Variants in TEAD3 observed in about 807,000 individuals in gnomAD.
TEAD3 encodes the protein transcriptional enhancer factor TEF-5.
A neutral mutation model predicts 55.6 loss-of-function variants in TEAD3; 15 were observed. The ratio of observed to expected loss-of-function variants is 0.27; its 90% CI spans 0.18 to 0.42. The LOEUF is 0.42. TEAD3 is among the 10% of genes least tolerant of loss of function. The pLI is 1.00. For synonymous variants in TEAD3, 210 were observed against 232.2 expected, an observed-to-expected ratio of 0.90 and a Z score of 0.87; for missense variants, 407 against 576.8, an observed-to-expected ratio of 0.71 and a Z score of 3.01.
rs1475868636 is a variant in TEAD3 at position 35,485,771 on chromosome 6, CG to C, written c.202+689del. 6.6e-6 allele frequency among the ~76,000 whole-genome samples: 1 copy of C among 152,174 alleles called. No homozygotes were observed. Among genetic ancestry groups the C allele is most frequent in the Non-Finnish European group, 1.5e-5 (1 of 68,024 alleles). On this transcript the variant is annotated intron_variant, in intron 2 of 12. Transcript: ENST00000639578. The surrounding 1 kb of genome is among the most constrained non-coding windows in gnomAD (Gnocchi z 4.3). Reference sequence around the variant, plus strand: ...AGCGGACCTGATCCCTTCCCACAGGCGCGCCCTGGGAAGGGCTGGGCCTGCC... The same window carrying C: ...AGCGGACCTGATCCCTTCCCACAGGCCGCCCTGGGAAGGGCTGGGCCTGCC...
rs1253827658 is a variant in TEAD3, at chr6:35,496,284, G to C, written c.-50+614C>G. Among the ~76,000 whole-genome samples the C allele has an allele frequency of 6.6e-6, 1 of 152,294 alleles. No homozygotes were observed. The highest frequency in any genetic ancestry group is 1.5e-5 in the Non-Finnish European group (1 of 68,016). On this transcript the variant is annotated intron_variant, in intron 1 of 12. Coordinates refer to ENST00000639578, the Ensembl canonical transcript of TEAD3. The surrounding 1 kb of genome is among the most constrained non-coding windows in gnomAD (Gnocchi z 4.8). The stretch of plus-strand genomic sequence containing the variant: ...TGGAACTCTGAATCAGCACCCCGAC[G>C]CAGGCGGCAGAACTGAAGGGAACGT...
At position 35,496,691 on chromosome 6, in the gene TEAD3, G is replaced by A. The variant is rs1030023253; in HGVS notation, c.-50+207C>T. Reference sequence around the variant, plus strand: ...ACCAACTCGTCCCCGTCGCGGGGGGGTGGGGAGGGCGGGGGGCGGGGCTTC... The same window carrying A: ...ACCAACTCGTCCCCGTCGCGGGGGGATGGGGAGGGCGGGGGGCGGGGCTTC... On this transcript the variant is annotated intron_variant, in intron 1 of 12. Transcript: ENST00000639578. The surrounding 1 kb of genome is among the most constrained non-coding windows in gnomAD (Gnocchi z 4.8). Among the ~76,000 whole-genome samples, 3 of 152,140 alleles carry A rather than the reference G, an allele frequency of 2.0e-5. No homozygotes were observed. The highest frequency in any genetic ancestry group is 4.4e-5 in the Non-Finnish European group (3 of 68,012).
Position 35,484,203 on chromosome 6 carries a change from G to A in TEAD3, c.267+357C>T, listed in dbSNP as rs559453030. 6.6e-6 allele frequency among the ~76,000 whole-genome samples: 1 copy of A among 152,226 alleles called. No homozygotes were observed. Among genetic ancestry groups the A allele is most frequent in the South Asian group, 2.1e-4 (1 of 4,816 alleles). Reference sequence around the variant, plus strand: ...CACCTTGCTCTGTACCCATCCATCTGACCATCTGGCTCCCTGGCTGGTGAG... The same window carrying A: ...CACCTTGCTCTGTACCCATCCATCTAACCATCTGGCTCCCTGGCTGGTGAG... On this transcript the variant is annotated intron_variant, in intron 3 of 12. Transcript: ENST00000639578. The surrounding 1 kb of genome is among the most constrained non-coding windows in gnomAD (Gnocchi z 5.8).
chr6:35,494,311 G>A (rs1768594355), intron 1 of TEAD3, among the ~76,000 whole-genome samples: 1 of 152,228 alleles, frequency 6.6e-6, no homozygotes, highest in Admixed American at 6.5e-5. Flanking sequence ...AGGCTTTAGG[G>A]ATGTGCAGGG....
intron 1 of TEAD3, among the ~76,000 whole-genome samples, chr6:35,494,474 C>T (rs1768597836): frequency 6.6e-6 from 1 of 152,160 alleles, no homozygotes; most frequent in African/African-American, 2.4e-5. Flanking sequence ...GGAGGGAAGG[C>T]AGGGCAAGGC....
chr6:35,488,427 T>A lies in TEAD3; in HGVS notation c.-49-1716A>T, dbSNP rs1768434193. ...ATCCCCTTCAGCCCCAGAACCCACA[T>A]GTCCAATGTATTCAGGGTCCTGGAA... On this transcript the variant is annotated intron_variant, in intron 1 of 12. Coordinates refer to ENST00000639578, the Ensembl canonical transcript of TEAD3. This position sits in a 1 kb window ranked among gnomAD's most constrained non-coding sequence, Gnocchi z 4.2. Among the ~76,000 whole-genome samples, 1 of 152,042 alleles carries A rather than the reference T, an allele frequency of 6.6e-6. No homozygotes were observed. The highest frequency in any genetic ancestry group is 1.5e-5 in the Non-Finnish European group (1 of 68,008).
intron 3 of TEAD3, among the ~76,000 whole-genome samples, chr6:35,482,266 G>A (rs1342881737): frequency 2.0e-5 from 3 of 152,022 alleles, no homozygotes; most frequent in African/African-American, 4.8e-5. Flanking sequence ...ATTACAGGTC[G>A]AAAGTAAATT....
At chr6:35,490,347 G>A (rs967604815) in intron 1 of TEAD3, among the ~76,000 whole-genome samples, 2 of 152,192 alleles carry the variant, frequency 1.3e-5, no homozygotes, top group African/African-American at 4.8e-5. Flanking sequence ...TGAGGGGGAG[G>A]GGAGGGGGGA....
At chr6:35,478,857 G>A (rs1001689090) in intron 5 of TEAD3, among the ~76,000 whole-genome samples, 1 of 150,230 alleles carries the variant, frequency 6.7e-6, no homozygotes, top group Non-Finnish European at 1.5e-5. Flanking sequence ...CTTACTGTAT[G>A]TCATGTACTC....
intron 1 of TEAD3, among the ~76,000 whole-genome samples, chr6:35,494,055 CCA>C (rs1163018514): frequency 6.6e-6 from 1 of 152,196 alleles, no homozygotes; most frequent in East Asian, 1.9e-4. Flanking sequence ...TGTCACAAAG[CCA>C]CAGTTTCTCT....
intron 3 of TEAD3, among the ~76,000 whole-genome samples, chr6:35,481,817 C>A (rs1768273362): frequency 6.6e-6 from 1 of 152,170 alleles, no homozygotes; most frequent in Non-Finnish European, 1.5e-5. Flanking sequence ...GGACCCTTAG[C>A]TCAGAAGACT....
At position 35,486,717 on chromosome 6, in the gene TEAD3, G is replaced by C. The variant is rs758832948; in HGVS notation, c.-49-6C>G. 6.3e-7 allele frequency: 1 copy of C among 1,577,264 alleles called. No homozygotes were observed. Among genetic ancestry groups the C allele is most frequent in the East Asian group, 2.3e-5 (1 of 44,330 alleles). On this transcript the variant is annotated splice_polypyrimidine_tract_variant and splice_region_variant and intron_variant, in intron 1 of 12. Coordinates refer to ENST00000639578, the Ensembl canonical transcript of TEAD3. The surrounding 1 kb of genome is among the most constrained non-coding windows in gnomAD (Gnocchi z 7.3). ...AGCCCACTGGGCGGCTGAGCCTGGGGGACAGACAGACAGGAACTGGGACCA... is the reference window on the plus strand; with the variant it reads ...AGCCCACTGGGCGGCTGAGCCTGGGCGACAGACAGACAGGAACTGGGACCA...
In TEAD3 at chr6:35,483,426, C is replaced by G. The variant is rs1768301677; in HGVS notation, c.267+1134G>C. On this transcript the variant is annotated intron_variant, in intron 3 of 12. Coordinates refer to ENST00000639578, the Ensembl canonical transcript of TEAD3. The surrounding 1 kb of genome is among the most constrained non-coding windows in gnomAD (Gnocchi z 4.5). ...TGGCCTCTCCCCCAGGCAGTGGGGC[C>G]ATCACTCCCATCCACTCCCCTTCAG... Among the ~76,000 whole-genome samples, 1 of 152,164 alleles carries G rather than the reference C, an allele frequency of 6.6e-6. No individual in the cohort carries two copies. The highest frequency in any genetic ancestry group is 1.5e-5 in the Non-Finnish European group (1 of 68,004).
At chr6:35,487,319 C>A (rs925458621) in intron 1 of TEAD3, among the ~76,000 whole-genome samples, 1 of 151,972 alleles carries the variant, frequency 6.6e-6, no homozygotes, top group African/African-American at 2.4e-5. Context: ...TTTGGGAGGC[C>A]GAGGTGGTTG....
At chr6:35,493,975 C>T (rs562891377) in intron 1 of TEAD3, among the ~76,000 whole-genome samples, 3 of 152,252 alleles carry the variant, frequency 2.0e-5, no homozygotes, top group South Asian at 2.1e-4. Context: ...ACAGAGGTGG[C>T]GGCACACCTG....
At chr6:35,476,318 T>C in exon 9 of TEAD3, 5 of 1,612,224 alleles carry the variant, frequency 3.1e-6, no homozygotes, top group Non-Finnish European at 3.4e-6. Context: ...AGGGTCTCGC[T>C]GCACCTCCAT....
In TEAD3 at chr6:35,488,558, A is replaced by G. The variant is rs1053666332; in HGVS notation, c.-49-1847T>C. On this transcript the variant is annotated intron_variant, in intron 1 of 12. Transcript: ENST00000639578. This position sits in a 1 kb window ranked among gnomAD's most constrained non-coding sequence, Gnocchi z 4.2. ...ACCGTCAGAAGCCAGGGAGAGGAAGATGAATTCCAGGTCCTGCTGCTTGAG... is the reference window on the plus strand; with the variant it reads ...ACCGTCAGAAGCCAGGGAGAGGAAGGTGAATTCCAGGTCCTGCTGCTTGAG... Among the ~76,000 whole-genome samples the G allele has an allele frequency of 6.6e-6, 1 of 151,964 alleles. No homozygotes were observed. The highest frequency in any genetic ancestry group is 1.5e-5 in the Non-Finnish European group (1 of 67,986).
chr6:35,476,247 C>T (rs1768145100), intron 9 of TEAD3, 55 bp downstream of exon 9: 7 of 1,579,582 alleles, frequency 4.4e-6, no homozygotes, highest in African/African-American at 2.7e-5. Context: ...CTGGATCACC[C>T]GGCCGGCCTC....
At chr6:35,476,129 C>G (rs927442589) in intron 9 of TEAD3, 37 bp from the exon 10 acceptor site, 1 of 1,541,872 alleles carries the variant, frequency 6.5e-7, no homozygotes, top group Admixed American at 2.0e-5. Context: ...GGAGAGTACT[C>G]AGGCTTGCAG....
Sources: allele counts gnomAD v4.1 joint callset (sites outside exome capture counted in the v4.1 genomes callset), GRCh38; gene constraint gnomAD v4.1.1; non-coding constraint Gnocchi (gnomAD v3.1); transcripts MANE v1.5; gene names NCBI Gene and HGNC (gene_info 2026-07-23, HGNC 2026-07-21).